Variants in RAD51B observed in about 807,000 individuals in gnomAD.
The protein encoded by RAD51B is RAD51 paralog B.
RAD51B carries 38 observed loss-of-function variants against 42.2 expected under a neutral mutation model. The ratio of observed to expected loss-of-function variants is 0.90; its 90% confidence interval spans 0.70 to 1.18. The LOEUF is 1.18. RAD51B is among the 50% of genes most tolerant of loss of function. The pLI, the probability that RAD51B is intolerant of heterozygous loss-of-function variation, is 0.00. For missense variants in RAD51B, 373 were observed against 400.7 expected, an observed-to-expected ratio of 0.93 and a Z score of 0.59; for synonymous variants, 154 against 145.2, an observed-to-expected ratio of 1.06 and a Z score of -0.43.
chr14:68,452,130 C>G (rs1011364261), intron 9 of RAD51B, among the ~76,000 whole-genome samples: 1 of 152,136 alleles, frequency 6.6e-6, no homozygotes, highest in African/African-American at 2.4e-5. Flanking sequence ...GCTTGCCTAA[C>G]TGGATATACA....
chr14:67,917,553 A>G (rs914583521), intron 7 of RAD51B, among the ~76,000 whole-genome samples: 1 of 152,166 alleles, frequency 6.6e-6, no homozygotes, highest in Non-Finnish European at 1.5e-5. Flanking sequence ...TCAACATGAG[A>G]TTTGGGTGGG....
At chr14:68,599,575 C>G (rs1595014434), downstream of RAD51B, among the ~76,000 whole-genome samples, 1 of 152,296 alleles carries the variant, frequency 6.6e-6, no homozygotes, top group Non-Finnish European at 1.5e-5. Flanking sequence ...TTTTTCTTCT[C>G]ACGACCTCCC....
chr14:67,960,214 T>C (rs1204287851), intron 7 of RAD51B, among the ~76,000 whole-genome samples: 2 of 152,240 alleles, frequency 1.3e-5, no homozygotes, highest in African/African-American at 2.4e-5. Flanking sequence ...GTTGAGCAGA[T>C]GCAGAATCAA....
intron 11 of RAD51B, among the ~76,000 whole-genome samples, chr14:68,672,790 C>T (rs1055551324): frequency 2.6e-5 from 4 of 152,202 alleles, no homozygotes; most frequent in Non-Finnish European, 5.9e-5. Context: ...CCCCTGGGGC[C>T]TGGACATCCA....
At chr14:68,526,861 G>A (rs916962) in intron 10 of RAD51B, among the ~76,000 whole-genome samples, 30,099 of 152,182 alleles carry the variant, frequency 0.2, 3,615 homozygotes, top group South Asian at 0.3. Context: ...TTTTCAGCCA[G>A]GAGTGGCCCC....
intron 11 of RAD51B, among the ~76,000 whole-genome samples, chr14:68,670,538 C>T (rs558224587): frequency 2.0e-5 from 3 of 152,356 alleles, no homozygotes; most frequent in Non-Finnish European, 4.4e-5. Context: ...TAGTTCCCAT[C>T]CCTGGGAGCC....
chr14:68,003,095 T>C (rs2075517510), intron 7 of RAD51B, among the ~76,000 whole-genome samples: 1 of 152,236 alleles, frequency 6.6e-6, no homozygotes, highest in South Asian at 2.1e-4. Flanking sequence ...GGGAACAGCA[T>C]TGAATCTGTA....
intron 11 of RAD51B, among the ~76,000 whole-genome samples, chr14:68,669,660 A>G (rs946300152): frequency 1.2e-4 from 15 of 130,254 alleles, no homozygotes; most frequent in South Asian, 2.7e-4. Context: ...ACACACACAC[A>G]CTCCCCACCC....
intron 7 of RAD51B, among the ~76,000 whole-genome samples, chr14:68,060,788 G>T (rs1257411943): frequency 6.6e-6 from 1 of 152,128 alleles, no homozygotes; most frequent in Non-Finnish European, 1.5e-5. Flanking sequence ...TCCTATTGAA[G>T]GTTAAATATT....
chr14:67,973,223 C>G (rs1326900039), intron 7 of RAD51B, among the ~76,000 whole-genome samples: 1 of 152,108 alleles, frequency 6.6e-6, no homozygotes, highest in African/African-American at 2.4e-5. Context: ...AGCTTGAATT[C>G]AACCTGGAAT....
intron 8 of RAD51B, among the ~76,000 whole-genome samples, chr14:68,391,808 A>G (rs2083767165): frequency 6.6e-6 from 1 of 152,194 alleles, no homozygotes; most frequent in Non-Finnish European, 1.5e-5. Flanking sequence ...AACAACTCAG[A>G]TATTACAAAA....
intron 8 of RAD51B, among the ~76,000 whole-genome samples, chr14:68,397,788 G>A (rs1349839124): frequency 1.3e-5 from 2 of 152,180 alleles, no homozygotes; most frequent in African/African-American, 4.8e-5. Flanking sequence ...GAACTCTGCA[G>A]CCAGAGTGAA....
At chr14:68,039,002 C>T (rs1208228635) in intron 7 of RAD51B, among the ~76,000 whole-genome samples, 5 of 152,050 alleles carry the variant, frequency 3.3e-5, no homozygotes, top group Non-Finnish European at 7.4e-5. Flanking sequence ...TTGATAGCTT[C>T]AAATTAGCCA....
intron 4 of RAD51B, among the ~76,000 whole-genome samples, chr14:67,848,538 T>G (rs529759468): frequency 9.3e-4 from 142 of 152,266 alleles, no homozygotes; most frequent in African/African-American, 3.3e-3. Flanking sequence ...TTTTTCTAGC[T>G]TACCATTCTG....
intron 10 of RAD51B, among the ~76,000 whole-genome samples, chr14:68,591,226 G>A (rs1890726184): frequency 6.6e-6 from 1 of 152,208 alleles, no homozygotes. Context: ...CATACACAGG[G>A]ACAGTGGGAA....
intron 7 of RAD51B, among the ~76,000 whole-genome samples, chr14:68,195,766 G>A (rs2079356433): frequency 6.6e-6 from 1 of 151,854 alleles, no homozygotes; most frequent in African/African-American, 2.4e-5. Context: ...AAATTAGCCA[G>A]GCATGGTGGC....
chr14:67,931,542 G>A (rs1462875242), intron 7 of RAD51B, among the ~76,000 whole-genome samples: 1 of 104,818 alleles, frequency 9.5e-6, no homozygotes, highest in African/African-American at 3.7e-5. Flanking sequence ...TGCTCTTGTT[G>A]CCCAGGCTGG....
At chr14:68,650,633 C>T in intron 10 of RAD51B, 2 of 595,300 alleles carry the variant, frequency 3.4e-6, no homozygotes, top group Non-Finnish European at 6.0e-6. Flanking sequence ...GAGGCCCATA[C>T]TGTTGTGTTT....
At chr14:68,099,897 A>C (rs921689193) in intron 7 of RAD51B, among the ~76,000 whole-genome samples, 4 of 152,152 alleles carry the variant, frequency 2.6e-5, no homozygotes, top group African/African-American at 9.7e-5. Flanking sequence ...ACTGAGGAAA[A>C]CCGATTAAAT....
Sources: allele counts gnomAD v4.1 joint callset (sites outside exome capture counted in the v4.1 genomes callset), GRCh38; gene constraint gnomAD v4.1.1; transcripts MANE v1.5; gene names NCBI Gene and HGNC (gene_info 2026-07-23, HGNC 2026-07-21).